NLGN1: variants seen among roughly 807,000 people sequenced by gnomAD.
The protein encoded by NLGN1 is neuroligin-1.
Under a neutral mutation model 65.5 loss-of-function variants are expected in NLGN1, and 12 were observed. The observed-to-expected ratio is 0.18, with a 90% CI of 0.12 to 0.30. The LOEUF (loss-of-function observed/expected upper bound fraction) is 0.30. Ranked by LOEUF, NLGN1 falls within the 10% of genes least tolerant of loss-of-function variation. The pLI is 1.00. For missense variants in NLGN1, 750 were observed against 1,007.1 expected, an observed-to-expected ratio of 0.74 and a Z score of 3.46; for synonymous variants, 350 against 359.5, an observed-to-expected ratio of 0.97 and a Z score of 0.30.
chr3:173,591,126 T>C (rs1748405297), intron 2 of NLGN1, among the ~76,000 whole-genome samples: 1 of 152,190 alleles, frequency 6.6e-6, no homozygotes, highest in South Asian at 2.1e-4. Context: ...ATTCTCCCTA[T>C]TATAAAATTT....
intron 4 of NLGN1, among the ~76,000 whole-genome samples, chr3:173,977,309 C>T (rs907104790): frequency 4.6e-5 from 7 of 151,484 alleles, no homozygotes; most frequent in African/African-American, 1.7e-4. Flanking sequence ...GAGGGGGAAA[C>T]ATGTCTTAAA....
At chr3:173,983,363 T>G (rs1009735041) in intron 4 of NLGN1, among the ~76,000 whole-genome samples, 1 of 152,172 alleles carries the variant, frequency 6.6e-6, no homozygotes, top group South Asian at 2.1e-4. Context: ...GGGCTGTAAG[T>G]AAAGGAGTAC....
chr3:174,130,317 T>C (rs1018889724), intron 4 of NLGN1, among the ~76,000 whole-genome samples: 1 of 152,126 alleles, frequency 6.6e-6, no homozygotes, highest in Non-Finnish European at 1.5e-5. Flanking sequence ...GAGGTTGCAG[T>C]GAGCCGAGAT....
intron 2 of NLGN1, among the ~76,000 whole-genome samples, chr3:173,507,193 T>C (rs1430246914): frequency 2.0e-5 from 3 of 152,208 alleles, no homozygotes; most frequent in African/African-American, 7.2e-5. Context: ...TGAGAAAGAA[T>C]TAACCTCAGG....
At chr3:174,018,809 C>T (rs1727145370) in intron 4 of NLGN1, among the ~76,000 whole-genome samples, 1 of 152,068 alleles carries the variant, frequency 6.6e-6, no homozygotes, top group African/African-American at 2.4e-5. Context: ...TTAAAGTATC[C>T]AAATACTTCT....
intron 2 of NLGN1, among the ~76,000 whole-genome samples, chr3:173,461,982 A>T (rs181128801): frequency 6.6e-6 from 1 of 152,320 alleles, no homozygotes; most frequent in Admixed American, 6.5e-5. Context: ...GTGCTTCTCA[A>T]ACCATCTATG....
chr3:173,418,136 TCATA>T (rs1714172647), intron 1 of NLGN1, among the ~76,000 whole-genome samples: 1 of 150,980 alleles, frequency 6.6e-6, no homozygotes, highest in Admixed American at 6.6e-5. Context: ...TAATGCTCTG[TCATA>T]CATTTCTTTC....
chr3:173,601,869 C>T (rs1203461043), intron 2 of NLGN1, among the ~76,000 whole-genome samples: 1 of 151,874 alleles, frequency 6.6e-6, no homozygotes, highest in Non-Finnish European at 1.5e-5. Flanking sequence ...TTTTTAATTT[C>T]TCTGTCCTAT....
chr3:174,020,481 A>G (rs1280751248), intron 4 of NLGN1, among the ~76,000 whole-genome samples: 1 of 152,108 alleles, frequency 6.6e-6, no homozygotes, highest in Non-Finnish European at 1.5e-5. Context: ...CTCACTGAAA[A>G]TGTTACCTAA....
chr3:174,023,682 G>A (rs1337077476), intron 4 of NLGN1, among the ~76,000 whole-genome samples: 4 of 152,186 alleles, frequency 2.6e-5, no homozygotes, highest in East Asian at 1.9e-4. Context: ...TGGTTGGAGC[G>A]CTGTAATGTC....
At chr3:174,023,954 C>G (rs754684766) in intron 4 of NLGN1, among the ~76,000 whole-genome samples, 1 of 152,084 alleles carries the variant, frequency 6.6e-6, no homozygotes, top group African/African-American at 2.4e-5. Context: ...CCTTGTATAC[C>G]TCTGATGACA....
chr3:173,849,148 A>G (rs1726395076), intron 4 of NLGN1, among the ~76,000 whole-genome samples: 1 of 152,184 alleles, frequency 6.6e-6, no homozygotes, highest in African/African-American at 2.4e-5. Flanking sequence ...ATGAAAAAAG[A>G]AAAAAATTCT....
At chr3:173,812,942 GAAAA>G (rs1718271118) in intron 4 of NLGN1, among the ~76,000 whole-genome samples, 1 of 150,046 alleles carries the variant, frequency 6.7e-6, no homozygotes, top group African/African-American at 2.4e-5. Context: ...TAGTTGAGGA[GAAAA>G]ACAGTAGAGA....
intron 3 of NLGN1, among the ~76,000 whole-genome samples, chr3:173,786,810 C>T (rs1461336186): frequency 6.6e-6 from 1 of 152,144 alleles, no homozygotes; most frequent in Non-Finnish European, 1.5e-5. Flanking sequence ...GGCATGGTGG[C>T]TCACGCCTAT....
chr3:173,608,924 A>G (rs1258869068), intron 3 of NLGN1, among the ~76,000 whole-genome samples: 1 of 151,944 alleles, frequency 6.6e-6, no homozygotes, highest in Non-Finnish European at 1.5e-5. Context: ...TTAAACCTCA[A>G]TTACTTTTGC....
chr3:174,025,460 G>C (rs1728647364), intron 4 of NLGN1, among the ~76,000 whole-genome samples: 1 of 152,036 alleles, frequency 6.6e-6, no homozygotes, highest in Non-Finnish European at 1.5e-5. Context: ...ATCTAGATTT[G>C]ATAAAGGAAA....
At chr3:173,982,016 T>C (rs1718891229) in intron 4 of NLGN1, among the ~76,000 whole-genome samples, 1 of 152,126 alleles carries the variant, frequency 6.6e-6, no homozygotes, top group Non-Finnish European at 1.5e-5. Flanking sequence ...TCTGTTTTGA[T>C]ATTAAACTCA....
intron 4 of NLGN1, among the ~76,000 whole-genome samples, chr3:174,234,428 G>C (rs1434267092): frequency 6.6e-6 from 1 of 152,130 alleles, no homozygotes. Context: ...GTGTTTACTA[G>C]AGTTGTATGC....
intron 2 of NLGN1, among the ~76,000 whole-genome samples, chr3:173,570,573 C>A (rs1030892955): frequency 1.1e-4 from 17 of 152,172 alleles, no homozygotes; most frequent in Admixed American, 9.8e-4. Context: ...ATTTTTAGCG[C>A]TCCAGGAAGC....
Sources: gnomAD v4.1 joint callset for allele counts (sites outside exome capture counted in the v4.1 genomes callset) on GRCh38, gnomAD v4.1.1 for gene constraint, MANE v1.5 for transcripts, NCBI Gene and HGNC (gene_info 2026-07-23, HGNC 2026-07-21) for gene names.